Variants in NAT10 observed in about 807,000 individuals in gnomAD.
NAT10 encodes the protein RNA cytidine acetyltransferase.
Under a neutral mutation model 132.2 loss-of-function variants are expected in NAT10, and 109 were observed. The observed-to-expected ratio is 0.82, with a 90% CI of 0.71 to 0.97. The LOEUF (loss-of-function observed/expected upper bound fraction) is 0.97, where lower values mean the gene tolerates loss of function less well. Ranked by LOEUF, NAT10 falls within the 50% of genes least tolerant of loss-of-function variation. The pLI is 0.00. For synonymous variants in NAT10, 479 were observed against 478.0 expected (o/e 1.00, Z -0.03); for missense variants, 1,184 against 1,263.4 (o/e 0.94, Z 0.95).
In NAT10 at chr11:34,118,443, G is replaced by C. The variant is rs367962262; in HGVS notation, c.720G>C (p.Glu240Asp). The C allele has an allele frequency of 3.8e-5, 61 of 1,614,072 alleles. No homozygotes were observed. Among genetic ancestry groups the C allele is most frequent in the Non-Finnish European group, 4.5e-5 (53 of 1,180,032 alleles). The change falls in exon 8 of 29, where the codon GAG becomes GAC. Residue 240 changes from glutamate (E) to aspartate (D), a missense_variant. Glu to Asp is a conservative substitution (Grantham distance 45). Coordinates refer to ENST00000257829, the MANE Select transcript of NAT10 (RefSeq NM_024662.3). Reference sequence around the variant, plus strand: ...ATCTGGAGCTGAGGGAGTTGAAGGAGAGCTTGCAGGACACCCAGCCTGTGG... The same window carrying C: ...ATCTGGAGCTGAGGGAGTTGAAGGACAGCTTGCAGGACACCCAGCCTGTGG... ...PSDLELRELK[E>D]SLQDTQPVGV...
intron 16 of NAT10, 64 bp from the exon 17 acceptor site, chr11:34,134,255 T>G (rs1364582838): frequency 7.2e-6 from 10 of 1,393,216 alleles, no homozygotes; most frequent in Non-Finnish European, 1.0e-5. Flanking sequence ...ACAAGCTATA[T>G]TCTGTGAGTG....
Position 34,140,578 on chromosome 11 carries a change from C to G in NAT10, c.2592+6C>G. ...CCCTGTCTGCGGCTCAGTCGGTATG[C>G]TATCTGTTGCTTGCGTGGAGGAGAA... On this transcript the variant is annotated splice_donor_region_variant and intron_variant, in intron 24 of 28. Coordinates refer to ENST00000257829, the MANE Select transcript of NAT10 (RefSeq NM_024662.3). The G allele has an allele frequency of 6.2e-7, 1 of 1,611,250 alleles. No individual in the cohort carries two copies.
chr11:34,117,965 A>G (rs1354321901), intron 6 of NAT10, among the ~76,000 whole-genome samples: 1 of 152,114 alleles, frequency 6.6e-6, no homozygotes, highest in Non-Finnish European at 1.5e-5. Context: ...TCCTGGGATG[A>G]GTCCTTGGTT....
At chr11:34,132,307 A>G (rs1037830942) in intron 15 of NAT10, 86 bp downstream of exon 15, 83 of 1,092,156 alleles carry the variant, frequency 7.6e-5, no homozygotes, top group Non-Finnish European at 5.6e-6. Flanking sequence ...ATATTTTATT[A>G]CCCAATGGCT....
chr11:34,141,963 A>G, intron 26 of NAT10, 146 bp downstream of exon 26: 1 of 697,702 alleles, frequency 1.4e-6, no homozygotes, highest in South Asian at 1.9e-5. Context: ...TAATTGGACA[A>G]ACGGACCCAG....
intron 21 of NAT10, 60 bp from the exon 22 acceptor site, chr11:34,139,131 A>T: frequency 6.9e-7 from 1 of 1,443,432 alleles, no homozygotes. Flanking sequence ...CCCTTCATCA[A>T]TGATGGGTTA....
At position 34,107,148 on chromosome 11, in the gene NAT10, C is replaced by T. The variant is rs568149344; in HGVS notation, c.-15-1063C>T. ...TACCGGATTCAAGTGATTCTCTTGC[C>T]TCAGCCTCTCCTGCAGCTCCACTAC... On this transcript the variant is annotated intron_variant, in intron 1 of 28. Coordinates refer to ENST00000257829, the MANE Select transcript of NAT10 (RefSeq NM_024662.3). The T allele has an allele frequency of 2.0e-5, 3 of 151,796 alleles. No homozygotes were observed. In the South Asian group the frequency reaches 6.2e-4, roughly 32 times the overall value. 9.4% of individuals were successfully genotyped at this position (151,796 alleles called of 1,614,324 possible).
At chr11:34,134,693 G>A (rs1029705433) in intron 18 of NAT10, 107 bp downstream of exon 18, 3 of 736,182 alleles carry the variant, frequency 4.1e-6, no homozygotes, top group Middle Eastern at 4.9e-4. Flanking sequence ...CAAGTGAAGT[G>A]TAGGCACTTC....
rs763866891 is a variant in NAT10 at position 34,118,393 on chromosome 11, T to G, written c.673-3T>G. On this transcript the variant is annotated splice_region_variant and splice_polypyrimidine_tract_variant and intron_variant, in intron 7 of 28. Coordinates refer to ENST00000257829, the MANE Select transcript of NAT10 (RefSeq NM_024662.3). ...GACCTTCCCCTTCTCCTCTCTCTGGTAGGATGAGAGTCTTGGTCCTTCTGA... is the reference window on the plus strand; with the variant it reads ...GACCTTCCCCTTCTCCTCTCTCTGGGAGGATGAGAGTCTTGGTCCTTCTGA... 6.8e-6 allele frequency: 11 copies of G among 1,613,602 alleles called. No individual in the cohort carries two copies.
chr11:34,133,117 T>C lies in NAT10; in HGVS notation c.1709T>C (p.Leu570Pro). ...LPPVPPTQNA[L>P]PEVLAVIQVC... ...CCCGTGCCCCCCACCCAGAATGCCCTTCCAGAAGTGCTTGCTGTTATCCAG... is the reference window on the plus strand; with the variant it reads ...CCCGTGCCCCCCACCCAGAATGCCCCTCCAGAAGTGCTTGCTGTTATCCAG... The change falls in exon 16 of 29, where the codon CTT (leucine) becomes CCT (proline). Residue 570 changes from leucine (L) to proline (P), a missense_variant. Coordinates refer to ENST00000257829, the MANE Select transcript of NAT10 (RefSeq NM_024662.3). The C allele has an allele frequency of 1.2e-6, 2 of 1,614,010 alleles. No individual in the cohort carries two copies. The highest frequency in any genetic ancestry group is 1.7e-6 in the Non-Finnish European group (2 of 1,179,866).
In NAT10 at chr11:34,132,213, C is replaced by A; in HGVS notation, c.1609C>A (p.His537Asn). The part of the protein sequence containing the change: ...QRLMALYVAS[H>N]YKNSPNDLQM... Reference sequence around the variant, plus strand: ...GCTTATGGCCCTCTACGTGGCTTCTCACTACAAGGTAACTGCAGCTAGCCC... The same window carrying A: ...GCTTATGGCCCTCTACGTGGCTTCTAACTACAAGGTAACTGCAGCTAGCCC... The change falls in exon 15 of 29, where the codon CAC becomes AAC. Residue 537 changes from histidine to asparagine, a missense_variant. By Grantham distance (68) the His-to-Asn change is moderately conservative. Coordinates refer to ENST00000257829, the MANE Select transcript of NAT10 (RefSeq NM_024662.3). The A allele has an allele frequency of 6.2e-7, 1 of 1,613,256 alleles. No individual in the cohort carries two copies. The highest frequency in any genetic ancestry group is 1.1e-5 in the South Asian group (1 of 91,048).
intron 28 of NAT10, among the ~76,000 whole-genome samples, chr11:34,144,960 G>A: frequency 6.6e-6 from 1 of 152,234 alleles, no homozygotes; most frequent in East Asian, 1.9e-4. Flanking sequence ...TAGTCACTGT[G>A]GCATCTTGAA....
intron 14 of NAT10, 68 bp from the exon 15 acceptor site, chr11:34,132,057 C>A: frequency 2.5e-6 from 3 of 1,181,464 alleles, no homozygotes; most frequent in East Asian, 2.3e-5. Flanking sequence ...ATTTGTTCTG[C>A]CTCCAGAGAG....
rs775013174 is a variant in NAT10 at position 34,134,375 on chromosome 11, C to T, written c.1791C>T (p.Gly597=). The T allele has an allele frequency of 6.2e-7, 1 of 1,614,206 alleles. No individual in the cohort carries two copies. The highest frequency in any genetic ancestry group is 2.2e-5 in the East Asian group (1 of 44,884). ...RQSILNSLSR[G]KKASGDLIPW... Reference sequence around the variant, plus strand: ...CCATCTTGAACAGTCTGTCTCGAGGCAAGAAGGCTTCAGGGGACCTGATTC... The same window carrying T: ...CCATCTTGAACAGTCTGTCTCGAGGTAAGAAGGCTTCAGGGGACCTGATTC... Residue 597 remains glycine (G), a synonymous_variant, in exon 17 of 29, where the codon GGC becomes GGT. Transcript: ENST00000257829.
At chr11:34,128,514 T>C (rs947087543) in intron 12 of NAT10, among the ~76,000 whole-genome samples, 3 of 152,236 alleles carry the variant, frequency 2.0e-5, no homozygotes, top group South Asian at 2.1e-4. Flanking sequence ...TATAACAATA[T>C]TGTGAAATCT....
chr11:34,109,867 T>C (rs914357847), intron 3 of NAT10, among the ~76,000 whole-genome samples: 1 of 152,198 alleles, frequency 6.6e-6, no homozygotes, highest in African/African-American at 2.4e-5. Flanking sequence ...GTTGTCCCCC[T>C]AGCAGAAACA....
At position 34,140,400 on chromosome 11, in the gene NAT10, C is replaced by T. The variant is rs1458118369; in HGVS notation, c.2420C>T (p.Ala807Val). 1 of 1,613,154 alleles carries T rather than the reference C, an allele frequency of 6.2e-7. No individual in the cohort carries two copies. Among genetic ancestry groups the T allele is most frequent in the Non-Finnish European group, 8.5e-7 (1 of 1,179,232 alleles). Reference sequence around the variant, plus strand: ...GTCTAGCTCTCTATCCCATGGACAGCCCTGAGCCGGGAGGAGCTGGAAGCA... The same window carrying T: ...GTCTAGCTCTCTATCCCATGGACAGTCCTGAGCCGGGAGGAGCTGGAAGCA... ...NRNMGKPAQP[A>V]LSREELEALF... The change falls in exon 24 of 29, where the codon GCC becomes GTC. Residue 807 changes from alanine to valine, a missense_variant and splice_region_variant. Physicochemically the swap from Ala to Val is moderately conservative, Grantham distance 64. Coordinates refer to ENST00000257829, the MANE Select transcript of NAT10 (RefSeq NM_024662.3).
chr11:34,143,400 C>T (rs781107055), intron 27 of NAT10, 45 bp from the exon 28 acceptor site: 14 of 1,532,328 alleles, frequency 9.1e-6, no homozygotes, highest in African/African-American at 1.4e-5. Flanking sequence ...TAAGCAGTCC[C>T]CTCTTCTTTC....
intron 1 of NAT10, among the ~76,000 whole-genome samples, chr11:34,106,826 G>T (rs1376710394): frequency 6.6e-6 from 1 of 152,164 alleles, no homozygotes; most frequent in Non-Finnish European, 1.5e-5. Flanking sequence ...AATCTGTTTG[G>T]ATTGGAAGGT....
Sources: gnomAD v4.1 joint callset for allele counts (sites outside exome capture counted in the v4.1 genomes callset) on GRCh38, gnomAD v4.1.1 for gene constraint, MANE v1.5 for transcripts, NCBI Gene and HGNC (gene_info 2026-07-23, HGNC 2026-07-21) for gene names.